Variants in NBEA observed in about 807,000 individuals in gnomAD.
NBEA encodes the protein neurobeachin.
NBEA carries 44 observed loss-of-function variants against 343.4 expected under a neutral mutation model. The observed-to-expected ratio is 0.13, with a 90% CI of 0.10 to 0.16. NBEA has a LOEUF of 0.16. Ranked by LOEUF, NBEA falls within the 10% of genes least tolerant of loss-of-function variation. The pLI, the probability that NBEA is intolerant of heterozygous loss-of-function variation, is 1.00. For synonymous variants in NBEA, 1,175 were observed against 1,238.7 expected (o/e 0.95, Z 1.08); for missense variants, 2,555 against 3,631.3 (o/e 0.70, Z 7.62).
At chr13:35,071,808 G>A (rs1173345713) in intron 10 of NBEA, among the ~76,000 whole-genome samples, 1 of 151,944 alleles carries the variant, frequency 6.6e-6, no homozygotes, top group Non-Finnish European at 1.5e-5. Context: ...TTCCATTTTA[G>A]TATTTCTAAT....
chr13:35,175,333 C>A (rs1327617042), intron 27 of NBEA, among the ~76,000 whole-genome samples: 1 of 152,174 alleles, frequency 6.6e-6, no homozygotes, highest in African/African-American at 2.4e-5. Context: ...TTCTGGCATG[C>A]AGTGAACATT....
intron 36 of NBEA, among the ~76,000 whole-genome samples, chr13:35,343,892 A>T (rs988156526): frequency 6.6e-6 from 1 of 152,118 alleles, no homozygotes; most frequent in Non-Finnish European, 1.5e-5. Flanking sequence ...ATGTAATAAT[A>T]ATAGGAATAA....
chr13:35,664,362 A>G (rs547562962), intron 55 of NBEA, among the ~76,000 whole-genome samples: 12 of 152,238 alleles, frequency 7.9e-5, no homozygotes, highest in Non-Finnish European at 1.3e-4. Context: ...CACCAAAAAT[A>G]GGAATTCACA....
chr13:35,231,400 T>G (rs1387747213), intron 33 of NBEA, among the ~76,000 whole-genome samples: 2 of 152,164 alleles, frequency 1.3e-5, no homozygotes, highest in African/African-American at 4.8e-5. Flanking sequence ...ATTTATAAAT[T>G]TTTGCCTCAT....
intron 1 of NBEA, among the ~76,000 whole-genome samples, chr13:35,019,063 T>A (rs79775281): frequency 5.9e-5 from 9 of 151,908 alleles, no homozygotes; most frequent in South Asian, 2.1e-4. Flanking sequence ...TTTTTTTTTT[T>A]ATTGATGAGC....
At chr13:34,977,918 C>T (rs1273619952) in intron 1 of NBEA, among the ~76,000 whole-genome samples, 2 of 152,070 alleles carry the variant, frequency 1.3e-5, no homozygotes, top group African/African-American at 2.4e-5. Context: ...TGGACTCAAG[C>T]AGTCCACCTG....
chr13:35,605,072 G>A (rs970911769), intron 47 of NBEA, among the ~76,000 whole-genome samples: 11 of 152,094 alleles, frequency 7.2e-5, no homozygotes, highest in Admixed American at 5.9e-4. Context: ...AACCTTTACT[G>A]TATGCATAAG....
chr13:35,137,487 C>G (rs1463800210), intron 17 of NBEA, among the ~76,000 whole-genome samples: 2 of 150,212 alleles, frequency 1.3e-5, no homozygotes, highest in African/African-American at 4.9e-5. Context: ...TAAAGAAAGT[C>G]ATCTGAAGTT....
At chr13:35,111,891 G>A (rs2066227654) in intron 13 of NBEA, among the ~76,000 whole-genome samples, 1 of 147,626 alleles carries the variant, frequency 6.8e-6, no homozygotes, top group South Asian at 2.2e-4. Context: ...TAATCCCGTT[G>A]ATAAGGAAAA....
At chr13:35,244,565 C>G (rs561967352) in intron 34 of NBEA, among the ~76,000 whole-genome samples, 4 of 151,926 alleles carry the variant, frequency 2.6e-5, no homozygotes, top group Admixed American at 6.6e-5. Context: ...CCAGATTGTT[C>G]CTTTTCGATT....
intron 38 of NBEA, among the ~76,000 whole-genome samples, chr13:35,360,746 A>C (rs902345706): frequency 2.0e-5 from 3 of 152,080 alleles, no homozygotes; most frequent in Admixed American, 1.3e-4. Flanking sequence ...TGAAGATGAC[A>C]GAGGAAAGAG....
At chr13:35,077,414 G>A (rs762951856) in intron 10 of NBEA, among the ~76,000 whole-genome samples, 3 of 151,986 alleles carry the variant, frequency 2.0e-5, no homozygotes, top group Non-Finnish European at 4.4e-5. Context: ...GAGGAACATT[G>A]TCTCCAGGCA....
At chr13:35,090,427 A>C (rs2065023631) in intron 10 of NBEA, among the ~76,000 whole-genome samples, 1 of 151,992 alleles carries the variant, frequency 6.6e-6, no homozygotes, top group South Asian at 2.1e-4. Flanking sequence ...TGACATGAGA[A>C]TTATTAATAA....
At chr13:35,485,058 G>A (rs1232268445) in intron 41 of NBEA, among the ~76,000 whole-genome samples, 2 of 151,958 alleles carry the variant, frequency 1.3e-5, no homozygotes. Flanking sequence ...CACCCATTTG[G>A]TAAGAAGATT....
In NBEA at chr13:35,107,240, G is replaced by A. The variant is rs181834012; in HGVS notation, c.1681-2050G>A. On this transcript the variant is annotated intron_variant, in intron 11 of 58. Coordinates refer to ENST00000379939, the MANE Select transcript of NBEA (RefSeq NM_001385012.1). ...GATATTCCTTTAAATATGATTACCC[G>A]ATCTTTACTTTTTAAACTCAAATAC... Among the ~76,000 whole-genome samples the A allele has an allele frequency of 2.3e-3, 352 of 151,294 alleles. 1 individual carries two copies. Among genetic ancestry groups the A allele is most frequent in the Non-Finnish European group, 3.2e-3 (218 of 67,682 alleles).
rs868352268 is a variant in NBEA, at chr13:35,667,472, G to A, written c.8563G>A (p.Glu2855Lys). 6.2e-7 allele frequency: 1 copy of A among 1,613,928 alleles called. No homozygotes were observed. The highest frequency in any genetic ancestry group is 8.5e-7 in the Non-Finnish European group (1 of 1,179,866). Residue 2855 changes from glutamate (E) to lysine (K), a missense_variant, in exon 57 of 59, where the codon GAA (glutamate) becomes AAA (lysine). By Grantham distance (56) the Glu-to-Lys change is moderately conservative (BLOSUM62 1). Transcript: ENST00000379939. ...LFPRLISVSSEGHCIIYYERG... is the reference protein window; with the variant it reads ...LFPRLISVSSKGHCIIYYERG... ...CCCACGCTTGATATCTGTCTCCAGCGAAGGCCACTGTATCATATACTATGA... is the reference window on the plus strand; with the variant it reads ...CCCACGCTTGATATCTGTCTCCAGCAAAGGCCACTGTATCATATACTATGA...
At chr13:35,449,208 T>C (rs1000031193) in intron 39 of NBEA, among the ~76,000 whole-genome samples, 1 of 152,198 alleles carries the variant, frequency 6.6e-6, no homozygotes, top group African/African-American at 2.4e-5. Flanking sequence ...GCATTAGGTG[T>C]TCTTGACTGG....
At chr13:35,471,347 G>A (rs1259001201) in intron 40 of NBEA, among the ~76,000 whole-genome samples, 2 of 152,192 alleles carry the variant, frequency 1.3e-5, no homozygotes, top group Non-Finnish European at 2.9e-5. Context: ...CGGCCGCGGG[G>A]AACCTAACTT....
chr13:35,012,696 G>A (rs192831927), intron 1 of NBEA, among the ~76,000 whole-genome samples: 2 of 152,266 alleles, frequency 1.3e-5, no homozygotes, highest in South Asian at 2.1e-4. Flanking sequence ...AGTATATTTT[G>A]TATAACATTT....
Sources: gnomAD v4.1 joint callset for allele counts (sites outside exome capture counted in the v4.1 genomes callset) on GRCh38, gnomAD v4.1.1 for gene constraint, MANE v1.5 for transcripts, NCBI Gene and HGNC (gene_info 2026-07-23, HGNC 2026-07-21) for gene names.